The following ARID4A variants were observed in gnomAD, a reference collection of about 807,000 sequenced individuals.
ARID4A encodes the protein AT-rich interaction domain 4A.
In ARID4A, 39 loss-of-function variants were observed where a neutral mutation model predicts 148.6. The ratio of observed to expected loss-of-function variants is 0.26; its 90% CI spans 0.20 to 0.34. ARID4A has a LOEUF of 0.34. Ranked by LOEUF, ARID4A falls within the 10% of genes least tolerant of loss-of-function variation. The probability of loss-of-function intolerance (pLI) is 1.00; values close to 1 mark genes in which losing one functional copy is unlikely to be tolerated. For synonymous variants in ARID4A, 475 were observed against 481.2 expected (o/e 0.99, Z 0.17); for missense variants, 1,265 against 1,449.1 (o/e 0.87, Z 2.06).
At chr14:58,347,177 C>A in intron 14 of ARID4A, 60 bp downstream of exon 14, 4 of 963,212 alleles carry the variant, frequency 4.2e-6, no homozygotes, top group South Asian at 3.9e-5. Flanking sequence ...TTTCCATTTA[C>A]TTTGTTAACA....
At chr14:58,310,715 ATT>A (rs201340682) in intron 5 of ARID4A, among the ~76,000 whole-genome samples, 51 of 140,736 alleles carry the variant, frequency 3.6e-4, no homozygotes, top group Admixed American at 3.6e-4. Flanking sequence ...CCGGGCATTG[ATT>A]TTTTTTTTTT....
intron 12 of ARID4A, among the ~76,000 whole-genome samples, chr14:58,345,296 A>G (rs1286380113): frequency 6.6e-6 from 1 of 152,216 alleles, no homozygotes. Flanking sequence ...TTTTGATACA[A>G]TTTAGTTTTC....
chr14:58,351,473 G>A, intron 16 of ARID4A, 150 bp downstream of exon 16: 1 of 1,039,362 alleles, frequency 9.6e-7, no homozygotes. Flanking sequence ...TTGTGAAGAT[G>A]ATGTGTATTG....
rs548443052 is a variant in ARID4A at position 58,328,970 on chromosome 14, C to T, written c.663-558C>T. The stretch of plus-strand genomic sequence containing the variant: ...ATCGCGCCACTGCACTCCAGCCTGA[C>T]GACAGAGTGAGACTCTGTCTCAAAA... On this transcript the variant is annotated intron_variant, in intron 9 of 23. Transcript: ENST00000355431. Among the ~76,000 whole-genome samples, 192 of 144,702 alleles carry T rather than the reference C, an allele frequency of 1.3e-3. 4 individuals are homozygous for T. The highest frequency in any genetic ancestry group is 5.6e-4 in the Admixed American group (8 of 14,160). The allele number at this position is 144,702 out of a possible 152,430, so 94.9% of individuals were successfully genotyped here.
At chr14:58,359,893 C>T (rs190246613) in intron 18 of ARID4A, among the ~76,000 whole-genome samples, 7 of 152,116 alleles carry the variant, frequency 4.6e-5, no homozygotes, top group Admixed American at 4.6e-4. Context: ...GGTGAAACCC[C>T]ATCTCTACTA....
intron 17 of ARID4A, among the ~76,000 whole-genome samples, chr14:58,356,850 C>A (rs753762040): frequency 4.6e-5 from 7 of 151,992 alleles, no homozygotes; most frequent in Admixed American, 2.0e-4. Flanking sequence ...TACAGACGCA[C>A]GCCACCATGC....
chr14:58,299,597 C>T (rs956502562), intron 1 of ARID4A: 2 of 568,526 alleles, frequency 3.5e-6, no homozygotes, highest in Admixed American at 6.1e-5. Flanking sequence ...AGCTCCGGGG[C>T]GGAACGGGCT....
At chr14:58,361,388 G>A (rs1047567619) in intron 19 of ARID4A, among the ~76,000 whole-genome samples, 9 of 152,060 alleles carry the variant, frequency 5.9e-5, no homozygotes, top group African/African-American at 2.2e-4. Context: ...ATGAAATAAA[G>A]ATTGTGTTAT....
At chr14:58,328,972 A>G (rs2033368565) in intron 9 of ARID4A, among the ~76,000 whole-genome samples, 1 of 143,158 alleles carries the variant, frequency 7.0e-6, no homozygotes, top group African/African-American at 2.7e-5. Flanking sequence ...CAGCCTGACG[A>G]CAGAGTGAGA....
chr14:58,302,265 G>A lies in ARID4A; in HGVS notation c.117+575G>A, dbSNP rs541994081. ...TCCCAGCACTTTGGGAGGCTGAGGT[G>A]GGTGGATCACCTGAGGTCAGGAGTT... On this transcript the variant is annotated intron_variant, in intron 3 of 23. Transcript: ENST00000355431. Among the ~76,000 whole-genome samples, 90 of 152,240 alleles carry A rather than the reference G, an allele frequency of 5.9e-4. 1 individual carries two copies. The highest frequency in any genetic ancestry group is 2.1e-3 in the African/African-American group (86 of 41,538).
chr14:58,313,854 C>T (rs1258664274), intron 5 of ARID4A, among the ~76,000 whole-genome samples: 1 of 152,096 alleles, frequency 6.6e-6, no homozygotes, highest in African/African-American at 2.4e-5. Context: ...GAGGAAATCC[C>T]TTTCTCTCAT....
In ARID4A at chr14:58,318,821, T is replaced by C; in HGVS notation, c.449+16T>C. The C allele has an allele frequency of 1.3e-6, 2 of 1,579,122 alleles. No individual in the cohort carries two copies. Among genetic ancestry groups the C allele is most frequent in the Non-Finnish European group, 1.7e-6 (2 of 1,149,690 alleles). ...CTCTTCCTGTGTGAGTTTTTTCATA[T>C]ATGGTATCATTTTAATTACAATTAT... On this transcript the variant is annotated intron_variant, in intron 7 of 23. Transcript: ENST00000355431.
chr14:58,350,119 A>AG (rs1233004318), intron 15 of ARID4A, among the ~76,000 whole-genome samples: 4 of 150,668 alleles, frequency 2.7e-5, no homozygotes, highest in Admixed American at 2.6e-4. Flanking sequence ...AAAAAAAAAA[A>AG]AAAAAAGCAC....
chr14:58,315,463 T>G (rs2032345502), intron 5 of ARID4A, among the ~76,000 whole-genome samples: 1 of 152,186 alleles, frequency 6.6e-6, no homozygotes. Flanking sequence ...AGAAAATATT[T>G]TGTTATATAA....
intron 11 of ARID4A, among the ~76,000 whole-genome samples, chr14:58,335,191 G>A (rs553725309): frequency 3.9e-5 from 6 of 152,080 alleles, no homozygotes; most frequent in Middle Eastern, 3.4e-3. Flanking sequence ...TATCCATGAC[G>A]ACATCACATT....
At chr14:58,366,643 T>C (rs181245659) in intron 22 of ARID4A, among the ~76,000 whole-genome samples, 30 of 152,326 alleles carry the variant, frequency 2.0e-4, no homozygotes, top group Admixed American at 6.5e-5. Flanking sequence ...TGTTTTCTTA[T>C]GTTTTTCTGA....
chr14:58,316,853 T>G (rs936252111), intron 5 of ARID4A, among the ~76,000 whole-genome samples: 2 of 151,844 alleles, frequency 1.3e-5, no homozygotes, highest in African/African-American at 2.4e-5. Context: ...GTGCTGAGAT[T>G]ACAGGCGGGA....
rs1022587809 is a variant in ARID4A at position 58,372,386 on chromosome 14, C to T, written c.*397C>T. 113 of 248,344 alleles carry T rather than the reference C, an allele frequency of 4.6e-4. No homozygotes were observed. The highest frequency in any genetic ancestry group is 2.4e-3 in the African/African-American group (111 of 45,334). The allele number at this position is 248,344 out of a possible 1,614,324, so 15.4% of individuals were successfully genotyped here. On this transcript the variant is annotated 3_prime_UTR_variant, in exon 24 of 24. Transcript: ENST00000355431. Reference sequence around the variant, plus strand: ...CTGAATAGTTACTGCTGCACTTTCACTAAGATGTATTTGAACACTTGGTGA... The same window carrying T: ...CTGAATAGTTACTGCTGCACTTTCATTAAGATGTATTTGAACACTTGGTGA...
rs751642312 is a variant in ARID4A at position 58,347,706 on chromosome 14, A to G, written c.1232A>G (p.His411Arg). ...GCAAATATTCAGTTCAGAACTGTTC[A>G]TCACCATGAACCAAAAGTAAAAGAG... The part of the protein sequence containing the change: ...RSANIQFRTV[H>R]HHEPKVKEEK... Residue 411 changes from histidine (H) to arginine (R), a missense_variant, in exon 15 of 24, where the codon CAT becomes CGT. This residue lies in a region of ARID4A where 205 missense variants were observed against 196.9 expected (regional missense o/e 1.04). Coordinates refer to ENST00000355431, the MANE Select transcript of ARID4A (RefSeq NM_002892.4). 5.6e-6 allele frequency: 9 copies of G among 1,614,008 alleles called. No homozygotes were observed. Among genetic ancestry groups the G allele is most frequent in the Non-Finnish European group, 7.6e-6 (9 of 1,179,932 alleles).
Sources: allele counts gnomAD v4.1 joint callset (sites outside exome capture counted in the v4.1 genomes callset), GRCh38; gene constraint gnomAD v4.1.1; regional missense constraint gnomAD v4.1.1; transcripts MANE v1.5; gene names NCBI Gene and HGNC (gene_info 2026-07-23, HGNC 2026-07-21).